Variants in NPM1 observed in about 807,000 individuals in gnomAD.
The protein encoded by NPM1 is nucleophosmin 1.
A neutral mutation model predicts 44.1 loss-of-function variants in NPM1; 1 was observed. The observed-to-expected ratio is 0.02, with a 90% CI of 0.01 to 0.11. NPM1 has a LOEUF of 0.11. Among genes scored for constraint, NPM1 ranks in the 10% least tolerant of loss-of-function variants. The probability of loss-of-function intolerance (pLI) is 1.00; values close to 1 mark genes in which losing one functional copy is unlikely to be tolerated. For missense variants in NPM1, 197 were observed against 347.8 expected (o/e 0.57, Z 3.45); for synonymous variants, 126 against 111.8 (o/e 1.13, Z -0.80).
chr5:171,388,984 A>G (rs905697159), intron 1 of NPM1, among the ~76,000 whole-genome samples: 5 of 152,210 alleles, frequency 3.3e-5, no homozygotes, highest in Non-Finnish European at 1.5e-5. Flanking sequence ...GCATGCCGCC[A>G]TTTGTGCGGC....
chr5:171,403,674 G>T (rs1347579165), intron 8 of NPM1, among the ~76,000 whole-genome samples: 1 of 145,614 alleles, frequency 6.9e-6, no homozygotes, highest in Non-Finnish European at 1.5e-5. Flanking sequence ...GGGGCGGCTG[G>T]CCAGGCGGGG....
chr5:171,403,781 A>C (rs1771393318), intron 8 of NPM1, among the ~76,000 whole-genome samples: 1 of 98,668 alleles, frequency 1.0e-5, no homozygotes, highest in Non-Finnish European at 2.1e-5. Context: ...GGCCGGGCAG[A>C]GGGGCTCCTC....
At chr5:171,409,232 AC>A (rs1389045709) in intron 10 of NPM1, among the ~76,000 whole-genome samples, 1 of 152,358 alleles carries the variant, frequency 6.6e-6, no homozygotes, top group East Asian at 1.9e-4. Flanking sequence ...GATTATCAAA[AC>A]TAAATGCTTC....
intron 6 of NPM1, among the ~76,000 whole-genome samples, chr5:171,396,006 G>T (rs1248878682): frequency 1.4e-5 from 2 of 147,506 alleles, no homozygotes; most frequent in African/African-American, 5.0e-5. Flanking sequence ...TGCCCCGGCT[G>T]AAGTGCATTG....
chr5:171,400,943 C>A lies in NPM1; in HGVS notation c.669+18C>A. The stretch of plus-strand genomic sequence containing the variant: ...GATCAAAAGTAAGTGGCTACATTTA[C>A]ACGTGGGTCTCATTGATCTAGTTGG... On this transcript the variant is annotated intron_variant, in intron 8 of 10. Coordinates refer to ENST00000296930, the MANE Select transcript of NPM1 (RefSeq NM_002520.7). 1.3e-6 allele frequency: 2 copies of A among 1,516,666 alleles called. No individual in the cohort carries two copies. The highest frequency in any genetic ancestry group is 9.2e-7 in the Non-Finnish European group (1 of 1,092,072). The allele number at this position is 1,516,666 out of a possible 1,614,324, so 94.0% of individuals were successfully genotyped here. A position where few individuals can be genotyped will look rare whatever the true frequency, so the allele number is the denominator to read the frequency against.
chr5:171,403,640 A>AC (rs531134823), intron 8 of NPM1, among the ~76,000 whole-genome samples: 5,339 of 59,224 alleles, frequency 0.09, 138 homozygotes, highest in Middle Eastern at 0.15. Flanking sequence ...AGGGGGGCTG[A>AC]CCCCCCCCAC....
intron 10 of NPM1, among the ~76,000 whole-genome samples, chr5:171,409,198 T>C (rs559545128): frequency 9.7e-4 from 148 of 152,316 alleles, no homozygotes; most frequent in Non-Finnish European, 1.7e-3. Context: ...GTTTAATAAC[T>C]TGAACTTGAA....
intron 7 of NPM1, 31 bp from the exon 8 acceptor site, chr5:171,400,808 G>T: frequency 7.1e-7 from 1 of 1,407,730 alleles, no homozygotes; most frequent in Admixed American, 1.7e-5. Context: ...TGGGGTCAGG[G>T]ACAGTGATTA....
intron 4 of NPM1, among the ~76,000 whole-genome samples, chr5:171,392,215 A>G (rs1382096509): frequency 6.6e-6 from 1 of 152,196 alleles, no homozygotes; most frequent in African/African-American, 2.4e-5. Flanking sequence ...TGCTAGTATT[A>G]CACGTGTCAG....
chr5:171,387,476 C>G (rs1770273448), upstream of NPM1, among the ~76,000 whole-genome samples: 1 of 152,238 alleles, frequency 6.6e-6, no homozygotes, highest in Non-Finnish European at 1.5e-5. Context: ...TCTTACACAG[C>G]TAAGGGCTGC....
At chr5:171,394,965 G>A (rs1370831995) in intron 6 of NPM1, among the ~76,000 whole-genome samples, 2 of 152,082 alleles carry the variant, frequency 1.3e-5, no homozygotes, top group Non-Finnish European at 2.9e-5. Flanking sequence ...GATCACTTGA[G>A]GTCAGGAGTT....
chr5:171,400,324 C>T, intron 7 of NPM1, 114 bp downstream of exon 7: 2 of 1,226,912 alleles, frequency 1.6e-6, no homozygotes, highest in Non-Finnish European at 1.1e-6. Context: ...TCATCTCATA[C>T]TGAAAATTAG....
At chr5:171,388,464 C>T (rs992581296) in intron 1 of NPM1, among the ~76,000 whole-genome samples, 1 of 152,114 alleles carries the variant, frequency 6.6e-6, no homozygotes, top group African/African-American at 2.4e-5. Flanking sequence ...TGGCGTTATT[C>T]TGGCCTCAGA....
intron 4 of NPM1, among the ~76,000 whole-genome samples, 161 bp downstream of exon 4, chr5:171,391,960 G>T (rs534894269): frequency 1.1e-4 from 17 of 150,082 alleles, no homozygotes; most frequent in East Asian, 1.0e-3. Context: ...TTTGGGGCGG[G>T]GGGGAGAGGA....
At chr5:171,387,263 C>T (rs1770260783), upstream of NPM1, 3 of 152,422 alleles carry the variant, frequency 2.0e-5, no homozygotes, top group Admixed American at 6.5e-5. Flanking sequence ...TACATCTTTC[C>T]TTCCTAACAA....
rs1415166199 is a variant in NPM1 at position 171,403,679 on chromosome 5, G to C, written c.670-1623G>C. Among the ~76,000 whole-genome samples, 14 of 146,278 alleles carry C rather than the reference G, an allele frequency of 9.6e-5. No homozygotes were observed. The Admixed American group carries it at 9.6e-4, about 10-fold the overall frequency. Reference sequence around the variant, plus strand: ...CCTCCCGGACGGGGCGGCTGGCCAGGCGGGGGGCTGACCCCCCCACCTCCC... The same window carrying C: ...CCTCCCGGACGGGGCGGCTGGCCAGCCGGGGGGCTGACCCCCCCACCTCCC... On this transcript the variant is annotated intron_variant, in intron 8 of 10. Transcript: ENST00000296930.
At chr5:171,397,697 A>G (rs557026329) in intron 6 of NPM1, among the ~76,000 whole-genome samples, 1 of 151,898 alleles carries the variant, frequency 6.6e-6, no homozygotes, top group South Asian at 2.1e-4. Context: ...GGGTTTTGCC[A>G]TGTTGGCCAG....
At chr5:171,388,433 G>A (rs949590341) in intron 1 of NPM1, among the ~76,000 whole-genome samples, 1 of 152,212 alleles carries the variant, frequency 6.6e-6, no homozygotes, top group Non-Finnish European at 1.5e-5. Flanking sequence ...CCTGCTTGTT[G>A]GAGCGGGTAG....
chr5:171,391,907 A>T, intron 4 of NPM1, 108 bp downstream of exon 4: 1 of 554,548 alleles, frequency 1.8e-6, no homozygotes, highest in East Asian at 3.4e-5. Context: ...TCTTTTTAAT[A>T]GGTTCCAATG....
Sources: gnomAD v4.1 joint callset for allele counts (sites outside exome capture counted in the v4.1 genomes callset) on GRCh38, gnomAD v4.1.1 for gene constraint, MANE v1.5 for transcripts, NCBI Gene and HGNC (gene_info 2026-07-23, HGNC 2026-07-21) for gene names.